The following SLC38A9 variants were observed in gnomAD, a reference collection of about 807,000 sequenced individuals.
The protein encoded by SLC38A9 is solute carrier family 38 member 9.
SLC38A9 carries 48 observed loss-of-function variants against 62.3 expected under a neutral mutation model. The ratio of observed to expected loss-of-function variants is 0.77; its 90% CI spans 0.61 to 0.98. SLC38A9 has a LOEUF of 0.98. SLC38A9 is among the 50% of genes least tolerant of loss of function. The pLI is 0.00. For synonymous variants in SLC38A9, 204 were observed against 227.7 expected, an observed-to-expected ratio of 0.90 and a Z score of 0.94; for missense variants, 541 against 679.8, an observed-to-expected ratio of 0.80 and a Z score of 2.27.
At chr5:55,683,919 G>C (rs867494516) in intron 3 of SLC38A9, among the ~76,000 whole-genome samples, 1 of 152,054 alleles carries the variant, frequency 6.6e-6, no homozygotes, top group African/African-American at 2.4e-5. Context: ...TATACTCAAT[G>C]GTAGCAGATA....
intron 4 of SLC38A9, among the ~76,000 whole-genome samples, chr5:55,670,557 T>G (rs756853855): frequency 2.6e-5 from 4 of 152,216 alleles, no homozygotes; most frequent in Non-Finnish European, 5.9e-5. Context: ...ATACACACAT[T>G]CATTAAGAAT....
intron 3 of SLC38A9, among the ~76,000 whole-genome samples, chr5:55,681,657 G>A (rs934366025): frequency 1.3e-5 from 2 of 152,170 alleles, no homozygotes; most frequent in Admixed American, 6.5e-5. Context: ...AAATTAAGGT[G>A]AACGAGCCTG....
In SLC38A9 at chr5:55,669,735, C is replaced by T. The variant is rs774144081; in HGVS notation, c.368+23G>A. 8.1e-6 allele frequency: 13 copies of T among 1,606,444 alleles called. No individual in the cohort carries two copies. In the South Asian group the frequency reaches 1.2e-4, roughly 15 times the overall value. On this transcript the variant is annotated intron_variant, in intron 5 of 15. Coordinates refer to ENST00000396865, the MANE Select transcript of SLC38A9 (RefSeq NM_173514.4). ...TCATCCATATACAGTTTAAGTCATG[C>T]TCCAAAAAGCAGTTTCACTCACATG...
chr5:55,653,041 A>G (rs1419880900), intron 9 of SLC38A9, among the ~76,000 whole-genome samples: 1 of 152,138 alleles, frequency 6.6e-6, no homozygotes, highest in African/African-American at 2.4e-5. Context: ...ATCTCGGCTC[A>G]CTGCAACCTC....
chr5:55,703,727 C>G (rs1756940757), intron 2 of SLC38A9, among the ~76,000 whole-genome samples: 1 of 152,094 alleles, frequency 6.6e-6, no homozygotes, highest in Non-Finnish European at 1.5e-5. Flanking sequence ...AATTAACCTA[C>G]TAATTTATGA....
At chr5:55,632,078 A>G (rs1177727216) in intron 14 of SLC38A9, among the ~76,000 whole-genome samples, 4 of 152,240 alleles carry the variant, frequency 2.6e-5, no homozygotes, top group Admixed American at 6.5e-5. Context: ...AACTTGTTAT[A>G]TATCAAATAA....
At chr5:55,699,417 T>G (rs189300737) in intron 2 of SLC38A9, among the ~76,000 whole-genome samples, 1 of 152,196 alleles carries the variant, frequency 6.6e-6, no homozygotes, top group South Asian at 2.1e-4. Context: ...AGGTAACCAA[T>G]AGAAGCAAAT....
intron 8 of SLC38A9, among the ~76,000 whole-genome samples, chr5:55,663,687 C>T (rs931155928): frequency 2.0e-5 from 3 of 152,058 alleles, no homozygotes; most frequent in African/African-American, 7.2e-5. Flanking sequence ...GATCCGAGAT[C>T]GCGCCACAGC....
intron 15 of SLC38A9, 74 bp from the exon 16 acceptor site, chr5:55,626,733 A>C: frequency 3.0e-6 from 4 of 1,343,108 alleles, no homozygotes; most frequent in Non-Finnish European, 4.0e-6. Flanking sequence ...AACATAGTAC[A>C]ATTTAAATCC....
chr5:55,669,744 G>A lies in SLC38A9; in HGVS notation c.368+14C>T, dbSNP rs372041449. On this transcript the variant is annotated intron_variant, in intron 5 of 15. Coordinates refer to ENST00000396865, the MANE Select transcript of SLC38A9 (RefSeq NM_173514.4). ...TACAGTTTAAGTCATGCTCCAAAAA[G>A]CAGTTTCACTCACATGGTTACTAAA... The A allele has an allele frequency of 1.9e-6, 3 of 1,608,480 alleles. No homozygotes were observed. Among genetic ancestry groups the A allele is most frequent in the Non-Finnish European group, 2.5e-6 (3 of 1,178,476 alleles).
intron 3 of SLC38A9, among the ~76,000 whole-genome samples, chr5:55,695,152 T>TTTA (rs70995723): frequency 6.6e-6 from 1 of 151,546 alleles, no homozygotes; most frequent in Non-Finnish European, 1.5e-5. Context: ...TAAATTTTTT[T>TTTA]AATATGCAAT....
chr5:55,666,218 G>T (rs531937899), intron 7 of SLC38A9, among the ~76,000 whole-genome samples: 2 of 152,078 alleles, frequency 1.3e-5, no homozygotes, highest in African/African-American at 2.4e-5. Context: ...TATCATTTAG[G>T]ATAGAAATTT....
chr5:55,666,274 G>A (rs774110794), intron 7 of SLC38A9, among the ~76,000 whole-genome samples: 18 of 152,184 alleles, frequency 1.2e-4, no homozygotes, highest in Non-Finnish European at 2.6e-4. Flanking sequence ...TCCATGATAG[G>A]ATTATTATAT....
At chr5:55,698,572 A>C (rs3914033) in intron 2 of SLC38A9, among the ~76,000 whole-genome samples, 90,754 of 151,608 alleles carry the variant, frequency 0.6, 27,696 homozygotes, top group South Asian at 0.7. Flanking sequence ...AGACCTTTGC[A>C]ATAAGAGTAA....
intron 12 of SLC38A9, among the ~76,000 whole-genome samples, chr5:55,644,326 A>G (rs1207281276): frequency 6.6e-6 from 1 of 150,642 alleles, no homozygotes; most frequent in African/African-American, 2.4e-5. Flanking sequence ...TAAATCTACT[A>G]TGTTGCTATT....
chr5:55,664,781 A>T lies in SLC38A9; in HGVS notation c.609T>A (p.Leu203=). The stretch of plus-strand genomic sequence containing the variant: ...CTCCAATGAGAGACACCAAGGAGAA[A>T]AGGAGACTCGACCACTGCCCAAAGG... The part of the protein sequence containing the change: ...FGSFGQWSSL[L]FSLVSLIGAM... Residue 203 remains leucine, a synonymous_variant, in exon 8 of 16, where the codon CTT becomes CTA. Transcript: ENST00000396865. 6.3e-7 allele frequency: 1 copy of T among 1,596,902 alleles called. No homozygotes were observed. Among genetic ancestry groups the T allele is most frequent in the East Asian group, 2.3e-5 (1 of 43,876 alleles).
intron 2 of SLC38A9, among the ~76,000 whole-genome samples, chr5:55,701,985 T>A (rs1252770490): frequency 2.0e-5 from 3 of 152,230 alleles, no homozygotes; most frequent in African/African-American, 7.2e-5. Context: ...TGTTACTTGT[T>A]ACTGCCCAGA....
intron 9 of SLC38A9, among the ~76,000 whole-genome samples, 181 bp from the exon 10 acceptor site, chr5:55,652,904 C>T (rs997155026): frequency 6.6e-6 from 1 of 152,140 alleles, no homozygotes; most frequent in Non-Finnish European, 1.5e-5. Flanking sequence ...TATTAGGACT[C>T]TTTCACCTAA....
At chr5:55,688,584 G>C (rs1388998786) in intron 3 of SLC38A9, among the ~76,000 whole-genome samples, 3 of 151,830 alleles carry the variant, frequency 2.0e-5, no homozygotes, top group Non-Finnish European at 2.9e-5. Context: ...GTTTCACTGT[G>C]TTAGCCAGGA....
Sources: allele counts gnomAD v4.1 joint callset (sites outside exome capture counted in the v4.1 genomes callset), GRCh38; gene constraint gnomAD v4.1.1; transcripts MANE v1.5; gene names NCBI Gene and HGNC (gene_info 2026-07-23, HGNC 2026-07-21).